Variants in SKOR2 observed in about 807,000 individuals in gnomAD.
The protein encoded by SKOR2 is SKI family transcriptional corepressor 2, also known as LBX1 corepressor 1-like protein.
Under a neutral mutation model 69.1 loss-of-function variants are expected in SKOR2, and 47 were observed. That is an observed-to-expected ratio of 0.68 (90% CI 0.54 to 0.87). The LOEUF (loss-of-function observed/expected upper bound fraction) is 0.87. SKOR2 is among the 40% of genes least tolerant of loss of function. SKOR2 has a pLI of 0.00. For missense variants in SKOR2, 1,404 were observed against 1,472.2 expected (o/e 0.95, Z 0.76); for synonymous variants, 717 against 672.6 (o/e 1.07, Z -1.02).
At chr18:47,229,750 C>T (rs2144494620) in intron 6 of SKOR2, among the ~76,000 whole-genome samples, 1 of 152,250 alleles carries the variant, frequency 6.6e-6, no homozygotes, top group South Asian at 2.1e-4. Context: ...GCTTGAAAAA[C>T]ACTACTGGGA....
intron 1 of SKOR2, among the ~76,000 whole-genome samples, chr18:47,250,527 G>T (rs941449609): frequency 6.6e-6 from 1 of 152,230 alleles, no homozygotes; most frequent in Non-Finnish European, 1.5e-5. Context: ...AGAGGCCATA[G>T]CGTGGCCCCT....
intron 8 of SKOR2, among the ~76,000 whole-genome samples, chr18:47,207,505 G>A (rs1020279380): frequency 5.9e-5 from 9 of 152,156 alleles, no homozygotes; most frequent in African/African-American, 2.2e-4. Flanking sequence ...CTTCTCAGCT[G>A]TAGGGGGGTG....
Position 47,248,328 on chromosome 18 carries a change from G to C in SKOR2, c.856C>G (p.Pro286Ala). 1.7e-6 allele frequency: 2 copies of C among 1,200,946 alleles called. No homozygotes were observed. Among genetic ancestry groups the C allele is most frequent in the Middle Eastern group, 3.2e-4 (1 of 3,132 alleles). 74.4% of individuals were successfully genotyped at this position (1,200,946 alleles called of 1,614,324 possible). Residue 286 changes from proline (P) to alanine (A), a missense_variant, in exon 2 of 9, where the codon CCG (proline) becomes GCG (alanine). Pro to Ala is a conservative substitution (Grantham distance 27). Transcript: ENST00000425639. The surrounding 1 kb of genome is among the most constrained non-coding windows in gnomAD (Gnocchi z 6.4). ...GGCGGCGGTGGCGGCGGCGGCGGCG[G>C]GGGCGCACCCAGCAGGTGGGGGCCC... ...LLGPHLLGAP[P>A]PPPPPPPPLA...
rs11433396 is a variant in SKOR2 at position 47,235,780 on chromosome 18, C to CAAAAAAAA, written c.2753-4788_2753-4781dup. Among the ~76,000 whole-genome samples, 91 of 59,010 alleles carry CAAAAAAAA rather than the reference C, an allele frequency of 1.5e-3. 2 individuals are homozygous for CAAAAAAAA. The highest frequency in any genetic ancestry group is 2.2e-3 in the Non-Finnish European group (60 of 27,182). 38.7% of individuals were successfully genotyped at this position (59,010 alleles called of 152,430 possible). A position where few individuals can be genotyped will look rare whatever the true frequency, so the allele number is the denominator to read the frequency against. On this transcript the variant is annotated intron_variant, in intron 4 of 8. Transcript: ENST00000425639. ...GGACTATATGAACAACACAAACAAG[C>CAAAAAAAA]AAAAAAAAAAAAAAAAAAAAACAGC...
At chr18:47,234,967 C>T (rs764725009) in intron 4 of SKOR2, among the ~76,000 whole-genome samples, 32 of 151,848 alleles carry the variant, frequency 2.1e-4, no homozygotes, top group Non-Finnish European at 4.4e-4. Flanking sequence ...CTTGGAAGCC[C>T]AGCCTCAAAC....
At chr18:47,211,258 T>C (rs2064126967) in intron 8 of SKOR2, among the ~76,000 whole-genome samples, 1 of 152,192 alleles carries the variant, frequency 6.6e-6, no homozygotes, top group South Asian at 2.1e-4. Context: ...GATAAATGGC[T>C]GCGGTCCTAG....
intron 4 of SKOR2, among the ~76,000 whole-genome samples, chr18:47,236,061 T>A (rs1196214052): frequency 1.3e-5 from 2 of 152,212 alleles, no homozygotes; most frequent in African/African-American, 4.8e-5. Context: ...CCAGGCTCAC[T>A]GCAGCCTCAA....
chr18:47,237,543 T>A (rs1392303696), intron 4 of SKOR2, among the ~76,000 whole-genome samples: 1 of 152,222 alleles, frequency 6.6e-6, no homozygotes, highest in Non-Finnish European at 1.5e-5. Context: ...TAAGAGCATT[T>A]AAATATTGTG....
chr18:47,236,284 C>T (rs933416950), intron 4 of SKOR2, among the ~76,000 whole-genome samples: 2 of 152,224 alleles, frequency 1.3e-5, no homozygotes, highest in African/African-American at 2.4e-5. Context: ...AGTCACTGCA[C>T]CTGGCCCATC....
chr18:47,250,068 C>T (rs2064305968), intron 1 of SKOR2, among the ~76,000 whole-genome samples: 1 of 152,126 alleles, frequency 6.6e-6, no homozygotes, highest in African/African-American at 2.4e-5. Flanking sequence ...GGTGTTAAAC[C>T]CAGAAACAGT....
Position 47,227,326 on chromosome 18 carries a change from ATTTTTTTTTTTTTTT to A in SKOR2, c.2917+3118_2917+3132del, listed in dbSNP as rs778462203. 4.0e-3 allele frequency among the ~76,000 whole-genome samples: 364 copies of A among 91,150 alleles called. 4 individuals are homozygous for A. The highest frequency in any genetic ancestry group is 0.015 in the African/African-American group (284 of 18,564). 59.8% of individuals were successfully genotyped at this position (91,150 alleles called of 152,430 possible). A position where few individuals can be genotyped will look rare whatever the true frequency, so the allele number is the denominator to read the frequency against. ...CCCTTGGAACCACGACAAGAAGCCA[ATTTTTTTTTTTTTTT>A]TTTTTTTTTTTTTGGAGACGGAGTC... On this transcript the variant is annotated intron_variant, in intron 6 of 8. Coordinates refer to ENST00000425639, the MANE Select transcript of SKOR2 (RefSeq NM_001278063.4).
chr18:47,235,414 C>T (rs2064218119), intron 4 of SKOR2, among the ~76,000 whole-genome samples: 1 of 152,114 alleles, frequency 6.6e-6, no homozygotes, highest in African/African-American at 2.4e-5. Context: ...GGTGTCCACA[C>T]CAGGACTTTC....
intron 4 of SKOR2, among the ~76,000 whole-genome samples, chr18:47,235,835 G>T (rs2064220760): frequency 1.3e-5 from 2 of 148,768 alleles, no homozygotes; most frequent in Admixed American, 1.3e-4. Context: ...AGCTTTCAAG[G>T]TACTAGAATA....
intron 4 of SKOR2, among the ~76,000 whole-genome samples, chr18:47,231,783 C>A (rs550130281): frequency 8.5e-4 from 127 of 149,840 alleles, no homozygotes; most frequent in African/African-American, 3.1e-3. Flanking sequence ...GCGGAGGTTG[C>A]GGTGAGCTGA....
chr18:47,247,488 C>G lies in SKOR2; in HGVS notation c.1696G>C (p.Gly566Arg). ...GTGGAGCCCGCGCTGCAGTCCCCGC[C>G]GCTGCCGCCCGGGGGCGACTCGAAG... is the stretch of plus-strand genomic sequence containing the variant. The part of the protein sequence containing the change: ...ALFESPPGGS[G>R]GDCSAGSTPP... Residue 566 changes from glycine to arginine, a missense_variant, in exon 2 of 9, where the codon GGC becomes CGC. This residue lies in a region of SKOR2 where 1,266 missense variants were observed against 1,309.9 expected (regional missense o/e 0.97). Transcript: ENST00000425639. This position sits in a 1 kb window ranked among gnomAD's most constrained non-coding sequence, Gnocchi z 6.6. The G allele has an allele frequency of 1.7e-6, 2 of 1,209,914 alleles. No homozygotes were observed. Among genetic ancestry groups the G allele is most frequent in the Non-Finnish European group, 2.1e-6 (2 of 974,960 alleles). The allele number at this position is 1,209,914 out of a possible 1,614,324, so 74.9% of individuals were successfully genotyped here. A position where few individuals can be genotyped will look rare whatever the true frequency, so the allele number is the denominator to read the frequency against.
intron 4 of SKOR2, among the ~76,000 whole-genome samples, chr18:47,240,412 G>A (rs1379183732): frequency 2.0e-5 from 3 of 152,098 alleles, no homozygotes; most frequent in African/African-American, 7.2e-5. Flanking sequence ...TTTTTGAGTA[G>A]GTAATATTTT....
At position 47,246,663 on chromosome 18, in the gene SKOR2, G is replaced by C. The variant is rs1398825886; in HGVS notation, c.2521C>G (p.Leu841Val). 6.7e-7 allele frequency: 1 copy of C among 1,502,012 alleles called. No homozygotes were observed. Among genetic ancestry groups the C allele is most frequent in the Non-Finnish European group, 8.8e-7 (1 of 1,133,932 alleles). The allele number at this position is 1,502,012 out of a possible 1,614,324, so 93.0% of individuals were successfully genotyped here. A position where few individuals can be genotyped will look rare whatever the true frequency, so the allele number is the denominator to read the frequency against. Residue 841 changes from leucine to valine, a missense_variant, in exon 2 of 9, where the codon CTG (leucine) becomes GTG (valine). Transcript: ENST00000425639. The part of the protein sequence containing the change: ...SDLPPPPPPP[L>V]APQKASGGGS... ...CCGCCACTCGCCTTCTGGGGGGCCA[G>C]GGGCGGCGGCGGGGGCGGGGGCAGG...
At position 47,246,670 on chromosome 18, in the gene SKOR2, C is replaced by A; in HGVS notation, c.2514G>T (p.Pro838=). 2 of 1,481,854 alleles carry A rather than the reference C, an allele frequency of 1.3e-6. No individual in the cohort carries two copies. Among genetic ancestry groups the A allele is most frequent in the Non-Finnish European group, 8.9e-7 (1 of 1,124,630 alleles). The allele number at this position is 1,481,854 out of a possible 1,614,324, so 91.8% of individuals were successfully genotyped here. A position where few individuals can be genotyped will look rare whatever the true frequency, so the allele number is the denominator to read the frequency against. ...TCGCCTTCTGGGGGGCCAGGGGCGG[C>A]GGCGGGGGCGGGGGCAGGTCCGAGC... is the stretch of plus-strand genomic sequence containing the variant. ...DPGSDLPPPP[P]PPLAPQKASG... is the part of the protein sequence containing the mutation. The change falls in exon 2 of 9, where the codon CCG becomes CCT. Residue 838 remains proline, a synonymous_variant. Transcript: ENST00000425639.
chr18:47,238,304 T>A (rs1194095535), intron 4 of SKOR2, among the ~76,000 whole-genome samples: 18 of 149,530 alleles, frequency 1.2e-4, no homozygotes. Context: ...AGTAAATAAT[T>A]TTTTTCTTTT....
Sources: allele counts gnomAD v4.1 joint callset (sites outside exome capture counted in the v4.1 genomes callset), GRCh38; gene constraint gnomAD v4.1.1; regional missense constraint gnomAD v4.1.1; non-coding constraint Gnocchi (gnomAD v3.1); transcripts MANE v1.5; gene names NCBI Gene and HGNC (gene_info 2026-07-23, HGNC 2026-07-21).